Variants in CCR3 observed in about 807,000 individuals in gnomAD.
CCR3 encodes the protein C-C motif chemokine receptor 3.
For synonymous variants in CCR3, 203 were observed against 179.2 expected (o/e 1.13, Z -1.06); for missense variants, 419 against 437.5 (o/e 0.96, Z 0.38).
intron 1 of CCR3, among the ~76,000 whole-genome samples, chr3:46,257,628 C>T (rs1430738660): frequency 6.6e-6 from 1 of 151,936 alleles, no homozygotes; most frequent in Non-Finnish European, 1.5e-5. Flanking sequence ...CATATCATTC[C>T]AGTAAGAAGG....
intron 2 of CCR3, among the ~76,000 whole-genome samples, chr3:46,229,533 G>A (rs1375572562): frequency 2.0e-5 from 3 of 152,148 alleles, no homozygotes; most frequent in Non-Finnish European, 2.9e-5. Context: ...CTTAAGGACT[G>A]GAAAGCCATG....
At chr3:46,236,816 G>A (rs1010517991) in intron 2 of CCR3, among the ~76,000 whole-genome samples, 7 of 152,194 alleles carry the variant, frequency 4.6e-5, no homozygotes, top group Non-Finnish European at 1.0e-4. Context: ...AGACACAATA[G>A]CACATGGCTG....
intron 2 of CCR3, among the ~76,000 whole-genome samples, chr3:46,226,601 A>G (rs1450838992): frequency 1.3e-5 from 2 of 152,046 alleles, no homozygotes; most frequent in Non-Finnish European, 2.9e-5. Context: ...AATAATAGGG[A>G]CAGTTTTATT....
chr3:46,266,051 C>T lies in CCR3; in HGVS notation c.893C>T (p.Pro298Leu), dbSNP rs547603517. The T allele has an allele frequency of 6.1e-5, 98 of 1,614,034 alleles. No individual in the cohort carries two copies. The highest frequency in any genetic ancestry group is 6.7e-5 in the Non-Finnish European group (79 of 1,180,004). Residue 298 changes from proline (P) to leucine (L), a missense_variant, in exon 2 of 2, where the codon CCG (proline) becomes CTG (leucine). Physicochemically the swap from Pro to Leu is moderately conservative, Grantham distance 98. Coordinates refer to ENST00000395940, the MANE Select transcript of CCR3 (RefSeq NM_178329.3). The part of the protein sequence containing the change: ...VIAYSHCCMN[P>L]VIYAFVGERF... ...GCCTACTCCCACTGCTGCATGAACC[C>T]GGTGATCTACGCCTTTGTTGGAGAG...
intron 2 of CCR3, among the ~76,000 whole-genome samples, chr3:46,227,370 TTCTC>T (rs1699913307): frequency 6.6e-6 from 1 of 152,192 alleles, no homozygotes; most frequent in Non-Finnish European, 1.5e-5. Flanking sequence ...GATTTATGTC[TTCTC>T]TTTTTCTCTT....
intron 1 of CCR3, chr3:46,264,658 T>G: frequency 7.8e-6 from 4 of 515,204 alleles, no homozygotes; most frequent in East Asian, 3.6e-5. Flanking sequence ...TATGGGGCCC[T>G]GGAGAAGCAT....
At chr3:46,257,098 T>C (rs1235540613) in intron 1 of CCR3, among the ~76,000 whole-genome samples, 11 of 152,184 alleles carry the variant, frequency 7.2e-5, no homozygotes, top group South Asian at 4.1e-4. Context: ...CTGAAAATGA[T>C]GCAAAGATTA....
chr3:46,236,245 G>T (rs1700023018), intron 2 of CCR3, among the ~76,000 whole-genome samples: 1 of 152,184 alleles, frequency 6.6e-6, no homozygotes, highest in Admixed American at 6.5e-5. Context: ...CTCGTGGAAA[G>T]ACATGAAAAT....
chr3:46,261,845 CA>C (rs1350259203), intron 1 of CCR3, among the ~76,000 whole-genome samples: 1 of 152,228 alleles, frequency 6.6e-6, no homozygotes, highest in African/African-American at 2.4e-5. Context: ...GGGCCAGGGC[CA>C]GGGCCCTGGT....
intron 1 of CCR3, among the ~76,000 whole-genome samples, chr3:46,250,112 G>A (rs1024962689): frequency 2.6e-5 from 4 of 152,110 alleles, no homozygotes; most frequent in African/African-American, 7.2e-5. Context: ...TGATGAAAAA[G>A]AGCCTAAACG....
intron 1 of CCR3, 169 bp from the exon 2 acceptor site, chr3:46,264,979 A>G (rs963820754): frequency 1.5e-5 from 9 of 592,576 alleles, no homozygotes; most frequent in African/African-American, 9.4e-5. Context: ...TCCTTCCTCA[A>G]TCCTTTTCCT....
In CCR3 at chr3:46,246,611, T is replaced by C. The variant is rs557579876; in HGVS notation, c.-12+4073T>C. 1.6e-4 allele frequency among the ~76,000 whole-genome samples: 24 copies of C among 152,092 alleles called. No homozygotes were observed. In the East Asian group the frequency reaches 3.1e-3, roughly 20 times the overall value. On this transcript the variant is annotated intron_variant, in intron 1 of 1. Transcript: ENST00000395940. Reference sequence around the variant, plus strand: ...TGTGGTGGAATGTCATCAGTTAAGGTGGGGCAGGGCATATTCACTTCTTTT... The same window carrying C: ...TGTGGTGGAATGTCATCAGTTAAGGCGGGGCAGGGCATATTCACTTCTTTT...
chr3:46,223,726 C>T (rs60350631), intron 2 of CCR3, among the ~76,000 whole-genome samples: 9,294 of 152,204 alleles, frequency 0.061, 944 homozygotes, highest in African/African-American at 0.21. Flanking sequence ...TCCCTTTCAG[C>T]CTGCCTCAGT....
intron 2 of CCR3, among the ~76,000 whole-genome samples, chr3:46,236,962 T>C (rs559350821): frequency 2.0e-5 from 3 of 152,308 alleles, no homozygotes; most frequent in Admixed American, 6.5e-5. Flanking sequence ...TCAAATTACC[T>C]CTTGTGAAAT....
chr3:46,215,323 G>A (rs1699761411), intron 2 of CCR3, among the ~76,000 whole-genome samples: 1 of 152,204 alleles, frequency 6.6e-6, no homozygotes, highest in East Asian at 1.9e-4. Flanking sequence ...GCAAGGTGAG[G>A]TATGTGAACC....
chr3:46,212,488 A>G (rs34376347), intron 2 of CCR3, among the ~76,000 whole-genome samples: 6 of 127,076 alleles, frequency 4.7e-5, no homozygotes, highest in Non-Finnish European at 3.4e-5. Flanking sequence ...CCCCCCTACC[A>G]CACTCCTCTT....
chr3:46,250,051 G>C (rs898220157), intron 1 of CCR3, among the ~76,000 whole-genome samples: 1 of 152,056 alleles, frequency 6.6e-6, no homozygotes, highest in Non-Finnish European at 1.5e-5. Flanking sequence ...GCTGTAAAGC[G>C]TCTCAGGGTT....
At chr3:46,222,539 C>T (rs1699849219) in intron 2 of CCR3, among the ~76,000 whole-genome samples, 1 of 152,132 alleles carries the variant, frequency 6.6e-6, no homozygotes, top group African/African-American at 2.4e-5. Context: ...GGCCCCACCC[C>T]ACAGATCTAG....
At chr3:46,224,305 C>A (rs778611285) in intron 2 of CCR3, among the ~76,000 whole-genome samples, 2 of 152,112 alleles carry the variant, frequency 1.3e-5, no homozygotes, top group Non-Finnish European at 2.9e-5. Flanking sequence ...CAACAAAAAA[C>A]CAAACCCTGG....
Sources: allele counts gnomAD v4.1 joint callset (sites outside exome capture counted in the v4.1 genomes callset), GRCh38; gene constraint gnomAD v4.1.1; transcripts MANE v1.5; gene names NCBI Gene and HGNC (gene_info 2026-07-23, HGNC 2026-07-21).